Variants in CYLC2 observed in about 807,000 individuals in gnomAD.
CYLC2 encodes cylicin 2.
A neutral mutation model predicts 26.1 loss-of-function variants in CYLC2; 30 were observed. That is an observed-to-expected ratio of 1.15 (90% CI 0.86 to 1.56). CYLC2 has a LOEUF of 1.56. CYLC2 is among the 40% of genes most tolerant of loss of function. CYLC2 has a pLI of 0.00. For synonymous variants in CYLC2, 158 were observed against 132.8 expected (o/e 1.19, Z -1.31); for missense variants, 498 against 394.4 (o/e 1.26, Z -2.23).
In CYLC2 at chr9:103,005,205, G is replaced by C. The variant is rs778454808; in HGVS notation, c.574G>C (p.Asp192His). 1.9e-6 allele frequency: 3 copies of C among 1,608,796 alleles called. No individual in the cohort carries two copies. The highest frequency in any genetic ancestry group is 2.2e-5 in the South Asian group (2 of 90,442). Residue 192 changes from aspartate (D) to histidine (H), a missense_variant, in exon 5 of 8, where the codon GAT (aspartate) becomes CAT (histidine). Physicochemically the swap from Asp to His is moderately conservative, Grantham distance 81. Transcript: ENST00000374798. The part of the protein sequence containing the change: ...KGGAKKDNKK[D>H]KKDSNKGKDS... Reference sequence around the variant, plus strand: ...AGGTGCAAAGAAAGATAACAAAAAAGATAAAAAGGATTCAAACAAAGGCAA... The same window carrying C: ...AGGTGCAAAGAAAGATAACAAAAAACATAAAAAGGATTCAAACAAAGGCAA...
At chr9:103,014,187 AATATATAATATGAATATTATATATCTC>A (rs1217437797) in intron 6 of CYLC2, among the ~76,000 whole-genome samples, 8 of 122,948 alleles carry the variant, frequency 6.5e-5, no homozygotes, top group Non-Finnish European at 1.3e-4. Flanking sequence ...TCTCATATAT[AATATATAATATGAATATTATATATCTC>A]ATATATAATA....
At chr9:102,995,766 A>G (rs1258417149) in intron 1 of CYLC2, among the ~76,000 whole-genome samples, 1 of 151,884 alleles carries the variant, frequency 6.6e-6, no homozygotes, top group African/African-American at 2.4e-5. Flanking sequence ...TGTATGTAAT[A>G]GTGACTGAGG....
intron 6 of CYLC2, among the ~76,000 whole-genome samples, chr9:103,015,102 TGA>T (rs1829482791): frequency 4.1e-5 from 2 of 49,346 alleles, no homozygotes; most frequent in African/African-American, 1.5e-4. Flanking sequence ...GTATATCACG[TGA>T]TATACATAAC....
Position 102,995,415 on chromosome 9 carries a change from T to C in CYLC2, c.17+18T>C. The C allele has an allele frequency of 6.3e-7, 1 of 1,580,996 alleles. No homozygotes were observed. On this transcript the variant is annotated intron_variant, in intron 1 of 7. Coordinates refer to ENST00000374798, the MANE Select transcript of CYLC2 (RefSeq NM_001340.5). Reference sequence around the variant, plus strand: ...CCAAGATTGTAAGTCAAATTTTATGTTTTAAAATAACTGAAATACTCGTTA... The same window carrying C: ...CCAAGATTGTAAGTCAAATTTTATGCTTTAAAATAACTGAAATACTCGTTA...
Position 103,005,479 on chromosome 9 carries a change from A to T in CYLC2, c.848A>T (p.Asp283Val). 6.2e-7 allele frequency: 1 copy of T among 1,613,754 alleles called. No homozygotes were observed. The highest frequency in any genetic ancestry group is 8.5e-7 in the Non-Finnish European group (1 of 1,179,908). The change falls in exon 5 of 8, where the codon GAC becomes GTC. Residue 283 changes from aspartate (D) to valine (V), a missense_variant. By Grantham distance (152) the Asp-to-Val change is radical. Transcript: ENST00000374798. ...AAGAAGCCCAGTAGTACAGACAGTG[A>T]CTCAAAGGATGATGTCAAGAAAGAG... The part of the protein sequence containing the change: ...DKKKPSSTDS[D>V]SKDDVKKESK...
chr9:102,998,098 T>C (rs1036904431), intron 1 of CYLC2, among the ~76,000 whole-genome samples: 1 of 151,954 alleles, frequency 6.6e-6, no homozygotes, highest in African/African-American at 2.4e-5. Flanking sequence ...ACTGAATATA[T>C]AAGCTTGAAG....
At chr9:103,007,447 A>G (rs1829363919) in intron 5 of CYLC2, among the ~76,000 whole-genome samples, 1 of 152,162 alleles carries the variant, frequency 6.6e-6, no homozygotes, top group Non-Finnish European at 1.5e-5. Context: ...TAAATACTTC[A>G]CAAAACTAAA....
Position 103,004,819 on chromosome 9 carries a change from C to A in CYLC2, c.305C>A (p.Thr102Asn). 1.2e-6 allele frequency: 2 copies of A among 1,612,398 alleles called. No individual in the cohort carries two copies. The highest frequency in any genetic ancestry group is 1.1e-5 in the South Asian group (1 of 90,634). ...GCCAGGAGGCAGCCTCTCAAACCAACTCGTACTGTCGAGGTGGATTCTAAA... is the reference window on the plus strand; with the variant it reads ...GCCAGGAGGCAGCCTCTCAAACCAAATCGTACTGTCGAGGTGGATTCTAAA... ...LAARRQPLKPTRTVEVDSKAA... is the reference protein window; with the variant it reads ...LAARRQPLKPNRTVEVDSKAA... Residue 102 changes from threonine (T) to asparagine (N), a missense_variant, in exon 4 of 8, where the codon ACT (threonine) becomes AAT (asparagine). Transcript: ENST00000374798.
chr9:102,997,875 C>G (rs1430246128), intron 1 of CYLC2, among the ~76,000 whole-genome samples: 1 of 151,564 alleles, frequency 6.6e-6, no homozygotes, highest in Admixed American at 6.6e-5. Flanking sequence ...AAAGGTTTAC[C>G]CCTGAAAAAA....
At chr9:103,012,821 A>G (rs527586821) in intron 6 of CYLC2, among the ~76,000 whole-genome samples, 1 of 151,710 alleles carries the variant, frequency 6.6e-6, no homozygotes, top group Admixed American at 6.6e-5. Context: ...AAAAGAAAAT[A>G]GCTGCCATAG....
chr9:102,995,907 AGTACTTT>A (rs1229671934), intron 1 of CYLC2, among the ~76,000 whole-genome samples: 1 of 151,886 alleles, frequency 6.6e-6, no homozygotes, highest in African/African-American at 2.4e-5. Flanking sequence ...AGTATGTGGA[AGTACTTT>A]GTAATGTAAA....
rs143120111 is a variant in CYLC2 at position 103,016,300 on chromosome 9, T to C, written c.*817-588T>C. Among the ~76,000 whole-genome samples the C allele has an allele frequency of 3.4e-4, 51 of 152,022 alleles. No individual in the cohort carries two copies. In the East Asian group the frequency reaches 5.6e-3, roughly 17 times the overall value. ...GGTAAACAGAGTGGCCTAAATAAGA[T>C]TCAGAGAAAGCAGCAGTCACTGGCC... On this transcript the variant is annotated intron_variant, in intron 6 of 7. Coordinates refer to ENST00000374798, the MANE Select transcript of CYLC2 (RefSeq NM_001340.5).
Position 102,995,336 on chromosome 9 carries a change from T to A in CYLC2, c.-45T>A. On this transcript the variant is annotated 5_prime_UTR_variant, in exon 1 of 8. The change creates a new upstream start codon in the 5' untranslated region. Transcript: ENST00000374798. ...GATGTCACCTTTCAACATCACCAGT[T>A]TGAACTTACAATACTTAAGTCCTGG... The A allele has an allele frequency of 6.5e-7, 1 of 1,533,912 alleles. No homozygotes were observed. The highest frequency in any genetic ancestry group is 1.1e-5 in the South Asian group (1 of 89,066).
At chr9:103,010,290 A>G (rs1004147095) in intron 5 of CYLC2, among the ~76,000 whole-genome samples, 23 of 152,122 alleles carry the variant, frequency 1.5e-4, no homozygotes, top group African/African-American at 4.3e-4. Flanking sequence ...TTATTGCATA[A>G]TTATAATCAT....
At chr9:102,997,688 T>C (rs1829251228) in intron 1 of CYLC2, among the ~76,000 whole-genome samples, 1 of 151,978 alleles carries the variant, frequency 6.6e-6, no homozygotes, top group African/African-American at 2.4e-5. Context: ...ACAACTCACA[T>C]GTAACTTGGG....
Position 103,005,415 on chromosome 9 carries a change from A to T in CYLC2, c.784A>T (p.Lys262Ter). Residue 262 changes from lysine to a stop codon, truncating the protein, a stop_gained, in exon 5 of 8, where the codon AAA becomes TAA. Coordinates refer to ENST00000374798, the MANE Select transcript of CYLC2 (RefSeq NM_001340.5). LOFTEE classifies it low-confidence loss of function (END_TRUNC). ...NKGDESKDAK[K>*]DAKEIKKGKK... ...AGGTGATGAATCGAAGGATGCCAAGAAAGATGCAAAGGAGATTAAAAAAGG... is the reference window on the plus strand; with the variant it reads ...AGGTGATGAATCGAAGGATGCCAAGTAAGATGCAAAGGAGATTAAAAAAGG... 6.2e-7 allele frequency: 1 copy of T among 1,613,972 alleles called. No homozygotes were observed. Among genetic ancestry groups the T allele is most frequent in the South Asian group, 1.1e-5 (1 of 91,078 alleles).
At chr9:103,008,090 T>A (rs549284663) in intron 5 of CYLC2, among the ~76,000 whole-genome samples, 1 of 152,230 alleles carries the variant, frequency 6.6e-6, no homozygotes, top group African/African-American at 2.4e-5. Flanking sequence ...ATTGCTAAAC[T>A]TTTCTGGAAA....
In CYLC2 at chr9:103,005,156, A is replaced by C. The variant is rs1204067591; in HGVS notation, c.525A>C (p.Ala175=). 3 of 1,606,336 alleles carry C rather than the reference A, an allele frequency of 1.9e-6. No individual in the cohort carries two copies. The highest frequency in any genetic ancestry group is 2.5e-6 in the Non-Finnish European group (3 of 1,177,936). The change falls in exon 5 of 8, where the codon GCA becomes GCC. Residue 175 remains alanine, a synonymous_variant. Coordinates refer to ENST00000374798, the MANE Select transcript of CYLC2 (RefSeq NM_001340.5). The part of the protein sequence containing the change: ...KKDAEKGKDS[A]TESEDEKGGA... ...ATGCAGAGAAGGGCAAAGACTCAGC[A>C]ACAGAATCTGAAGATGAAAAAGGAG...
intron 6 of CYLC2, among the ~76,000 whole-genome samples, chr9:103,013,283 C>A (rs1171476281): frequency 2.9e-5 from 2 of 68,084 alleles, no homozygotes; most frequent in African/African-American, 1.2e-4. Flanking sequence ...ATATATAACA[C>A]ATTAAATATA....
Sources: gnomAD v4.1 joint callset for allele counts (sites outside exome capture counted in the v4.1 genomes callset) on GRCh38, gnomAD v4.1.1 for gene constraint, MANE v1.5 for transcripts, NCBI Gene and HGNC (gene_info 2026-07-23, HGNC 2026-07-21) for gene names.